Variants in SLC39A12 observed in about 807,000 individuals in gnomAD.
SLC39A12 encodes solute carrier family 39 member 12, also known as zinc transporter ZIP12.
A neutral mutation model predicts 71.1 loss-of-function variants in SLC39A12; 63 were observed. That is an observed-to-expected ratio of 0.89 (90% confidence interval 0.72 to 1.09). The LOEUF (loss-of-function observed/expected upper bound fraction) is 1.09. SLC39A12 is among the 50% of genes least tolerant of loss of function. The pLI, the probability that SLC39A12 is intolerant of heterozygous loss-of-function variation, is 0.00. For synonymous variants in SLC39A12, 351 were observed against 301.3 expected, an observed-to-expected ratio of 1.16 and a Z score of -1.71; for missense variants, 892 against 812.6, an observed-to-expected ratio of 1.10 and a Z score of -1.19.
intron 12 of SLC39A12, among the ~76,000 whole-genome samples, chr10:18,015,540 G>A (rs1314045139): frequency 6.6e-6 from 1 of 152,088 alleles, no homozygotes; most frequent in South Asian, 2.1e-4. Context: ...ATCTTGTCTT[G>A]AGTATCAATA....
chr10:17,991,042 A>AGAAT, intron 7 of SLC39A12, 109 bp from the exon 8 acceptor site: 1 of 1,134,766 alleles, frequency 8.8e-7, no homozygotes, highest in Non-Finnish European at 1.2e-6. Flanking sequence ...GGCATTTCCC[A>AGAAT]GAATGAAAAT....
At chr10:17,973,889 C>T (rs940885465) in intron 4 of SLC39A12, among the ~76,000 whole-genome samples, 3 of 138,126 alleles carry the variant, frequency 2.2e-5, no homozygotes, top group Admixed American at 7.6e-5. Context: ...ATTCAGTAGT[C>T]GTGCTTTATT....
chr10:17,997,022 C>CAAAAAAAAAAAAAAAAAAAAAAA (rs71924913), intron 10 of SLC39A12, among the ~76,000 whole-genome samples: 2 of 115,536 alleles, frequency 1.7e-5, no homozygotes, highest in African/African-American at 3.5e-5. Flanking sequence ...GACTCCGTCT[C>CAAAAAAAAAAAAAAAAAAAAAAA]AAAAAAAAAA....
Position 17,974,899 on chromosome 10 carries a change from C to A in SLC39A12, c.752-3003C>A, listed in dbSNP as rs950231427. On this transcript the variant is annotated intron_variant, in intron 4 of 12. Coordinates refer to ENST00000377369, the MANE Select transcript of SLC39A12 (RefSeq NM_001145195.2). ...CAGGTCCAGAGGTGCCATACAGGAG[C>A]CAGGAACTAGAGTCAAAACCTTAGA... is the stretch of plus-strand genomic sequence containing the variant. Among the ~76,000 whole-genome samples the A allele has an allele frequency of 2.6e-5, 4 of 151,972 alleles. No individual in the cohort carries two copies. In the South Asian group the frequency reaches 8.3e-4, roughly 31 times the overall value.
In SLC39A12 at chr10:17,989,257, C is replaced by A. The variant is rs1434514428; in HGVS notation, c.1269+1606C>A. On this transcript the variant is annotated intron_variant, in intron 7 of 12. Transcript: ENST00000377369. ...TCTGGCAGTTTCCTGCAGGGTCACT[C>A]TTGTTGCTTCGAGGCTCAATTGTTA... Among the ~76,000 whole-genome samples, 5 of 152,222 alleles carry A rather than the reference C, an allele frequency of 3.3e-5. No homozygotes were observed. The East Asian group carries it at 9.6e-4, about 29-fold the overall frequency.
intron 12 of SLC39A12, among the ~76,000 whole-genome samples, chr10:18,023,538 T>C (rs1025763730): frequency 1.3e-5 from 2 of 152,052 alleles, no homozygotes; most frequent in Admixed American, 6.5e-5. Context: ...ACAAAGCCAC[T>C]GCCAATGGGA....
At position 17,961,793 on chromosome 10, in the gene SLC39A12, C is replaced by G. The variant is rs782132198; in HGVS notation, c.474C>G (p.Phe158Leu). Reference protein sequence around the residue: ...LSLRQDEDSSFLSQNETEDIL... With the variant: ...LSLRQDEDSSLLSQNETEDIL... ...TCAGGCAGGATGAAGATTCCTCTTT[C>G]CTTTCACAGAATGAGACAGAAGATA... The change falls in exon 3 of 13, where the codon TTC (phenylalanine) becomes TTG (leucine). Residue 158 changes from phenylalanine to leucine, a missense_variant. Transcript: ENST00000377369. 4.3e-6 allele frequency: 7 copies of G among 1,614,012 alleles called. No homozygotes were observed. The South Asian group carries it at 6.6e-5, about 15-fold the overall frequency.
chr10:17,961,040 G>T (rs1376248480), intron 2 of SLC39A12, among the ~76,000 whole-genome samples: 1 of 152,110 alleles, frequency 6.6e-6, no homozygotes, highest in Non-Finnish European at 1.5e-5. Context: ...ACTAGGGAAC[G>T]CAGGTTGGGA....
chr10:17,978,069 G>C lies in SLC39A12; in HGVS notation c.919G>C (p.Asp307His). 6.3e-7 allele frequency: 1 copy of C among 1,575,346 alleles called. No homozygotes were observed. Among genetic ancestry groups the C allele is most frequent in the Admixed American group, 1.9e-5 (1 of 51,506 alleles). The change falls in exon 5 of 13, where the codon GAT becomes CAT. Residue 307 changes from aspartate (D) to histidine (H), a missense_variant. Coordinates refer to ENST00000377369, the MANE Select transcript of SLC39A12 (RefSeq NM_001145195.2). ...GTCTGAGGATGGTCCAGTTTCCTGG[G>C]ATCAGGTATTGCCATTGTTTCTCTT... is the stretch of plus-strand genomic sequence containing the variant. ...KESEDGPVSW[D>H]QTCFSARQLV...
intron 12 of SLC39A12, among the ~76,000 whole-genome samples, chr10:18,011,082 T>C (rs568182121): frequency 1.3e-5 from 2 of 152,086 alleles, no homozygotes; most frequent in South Asian, 2.1e-4. Context: ...TTTCCTCCCT[T>C]CCTTCCTTCC....
chr10:18,023,563 G>A (rs1410867662), intron 12 of SLC39A12, among the ~76,000 whole-genome samples: 1 of 152,118 alleles, frequency 6.6e-6, no homozygotes, highest in African/African-American at 2.4e-5. Flanking sequence ...TCATTGTGGT[G>A]GGGTGGCTGC....
intron 10 of SLC39A12, among the ~76,000 whole-genome samples, chr10:17,997,129 A>G (rs1170914743): frequency 6.6e-6 from 1 of 152,176 alleles, no homozygotes; most frequent in Non-Finnish European, 1.5e-5. Context: ...ATTCTTTCAC[A>G]TTGTTTTATT....
chr10:18,034,865 T>G (rs1487170442), intron 12 of SLC39A12, among the ~76,000 whole-genome samples: 1 of 151,328 alleles, frequency 6.6e-6, no homozygotes, highest in Non-Finnish European at 1.5e-5. Flanking sequence ...TCTCTCAGCA[T>G]TTGCTTGTCT....
chr10:17,994,322 A>G (rs569793075), intron 9 of SLC39A12, among the ~76,000 whole-genome samples: 1 of 152,282 alleles, frequency 6.6e-6, no homozygotes, highest in South Asian at 2.1e-4. Flanking sequence ...CTTGTTATTT[A>G]AGCTGCAATT....
At chr10:17,983,818 C>A (rs1374969382) in intron 6 of SLC39A12, among the ~76,000 whole-genome samples, 6 of 152,052 alleles carry the variant, frequency 3.9e-5, no homozygotes, top group Non-Finnish European at 8.8e-5. Flanking sequence ...AAAAACATCA[C>A]TGTCCTCAAT....
intron 11 of SLC39A12, 116 bp downstream of exon 11, chr10:18,000,941 C>A: frequency 1.0e-6 from 1 of 1,002,206 alleles, no homozygotes; most frequent in Non-Finnish European, 1.4e-6. Context: ...GAATACTTTC[C>A]TTTTATAATT....
At chr10:18,035,130 A>T (rs1305927090) in intron 12 of SLC39A12, among the ~76,000 whole-genome samples, 1 of 145,632 alleles carries the variant, frequency 6.9e-6, no homozygotes, top group African/African-American at 2.6e-5. Context: ...TGTGTCTTGG[A>T]GTTGCTCTTC....
intron 12 of SLC39A12, among the ~76,000 whole-genome samples, chr10:18,036,577 C>T (rs1389939808): frequency 4.0e-5 from 6 of 151,620 alleles, no homozygotes; most frequent in African/African-American, 9.7e-5. Flanking sequence ...GAACCCAGTA[C>T]CTCAGGTGGA....
At chr10:18,039,183 A>G (rs566829716) in intron 12 of SLC39A12, among the ~76,000 whole-genome samples, 2 of 152,360 alleles carry the variant, frequency 1.3e-5, no homozygotes, top group South Asian at 4.1e-4. Flanking sequence ...GCCATGTTTT[A>G]CAAAAGATAA....
Sources: allele counts gnomAD v4.1 joint callset (sites outside exome capture counted in the v4.1 genomes callset), GRCh38; gene constraint gnomAD v4.1.1; transcripts MANE v1.5; gene names NCBI Gene and HGNC (gene_info 2026-07-23, HGNC 2026-07-21).